Variants in PDE3B observed in about 807,000 individuals in gnomAD.
PDE3B encodes cGMP-inhibited 3',5'-cyclic phosphodiesterase 3B.
In PDE3B, 66 loss-of-function variants were observed where a neutral mutation model predicts 116.8. That is an observed-to-expected ratio of 0.56 (90% confidence interval 0.46 to 0.69). The LOEUF (loss-of-function observed/expected upper bound fraction) is 0.69. PDE3B is among the 30% of genes least tolerant of loss of function. PDE3B has a pLI of 0.00. For synonymous variants in PDE3B, 595 were observed against 533.6 expected (o/e 1.12, Z -1.59); for missense variants, 1,384 against 1,368.1 (o/e 1.01, Z -0.18).
the PDE3B span, among the ~76,000 whole-genome samples, chr11:14,892,836 T>C: frequency 2.6e-4 from 40 of 152,378 alleles, no homozygotes; most frequent in African/African-American, 8.4e-4. Context: ...ATTTGACCCC[T>C]CTCTGGTCTT....
At chr11:14,768,569 T>C (rs767234744) in intron 1 of PDE3B, among the ~76,000 whole-genome samples, 93 of 151,702 alleles carry the variant, frequency 6.1e-4, no homozygotes, top group Admixed American at 3.6e-3. Context: ...TTCACTCCTA[T>C]ACTCCATTGT....
chr11:14,893,420 G>A, the PDE3B span, among the ~76,000 whole-genome samples: 17 of 152,304 alleles, frequency 1.1e-4, no homozygotes, highest in South Asian at 3.3e-3. Flanking sequence ...TACTACTGTT[G>A]TAATAAATTA....
chr11:14,653,604 C>G (rs1853626371), intron 1 of PDE3B, among the ~76,000 whole-genome samples: 1 of 151,236 alleles, frequency 6.6e-6, no homozygotes, highest in Admixed American at 6.6e-5. Flanking sequence ...ACCACACCCA[C>G]CAAAGCTTCG....
chr11:14,794,111 TTTGC>T (rs1291393013), intron 4 of PDE3B, among the ~76,000 whole-genome samples: 1 of 152,138 alleles, frequency 6.6e-6, no homozygotes, highest in Non-Finnish European at 1.5e-5. Context: ...CTCTTGTTCG[TTTGC>T]TTTTGACAAC....
chr11:14,863,374 A>T (rs782218189), intron 14 of PDE3B, among the ~76,000 whole-genome samples: 7 of 152,152 alleles, frequency 4.6e-5, no homozygotes, highest in Non-Finnish European at 1.0e-4. Flanking sequence ...CGTTCTAATG[A>T]TCGCCATTCC....
chr11:14,866,936 G>A (rs1453396532), intron 14 of PDE3B, among the ~76,000 whole-genome samples: 1 of 152,116 alleles, frequency 6.6e-6, no homozygotes, highest in Non-Finnish European at 1.5e-5. Context: ...AAGCCACAGT[G>A]GGAGAGTACC....
chr11:14,661,173 G>A (rs991275463), intron 1 of PDE3B, among the ~76,000 whole-genome samples: 6 of 152,194 alleles, frequency 3.9e-5, no homozygotes, highest in African/African-American at 7.2e-5. Context: ...TACTGGGTAT[G>A]TACCCAAAGG....
intron 1 of PDE3B, chr11:14,674,457 A>G: frequency 3.3e-6 from 2 of 603,070 alleles, no homozygotes; most frequent in Non-Finnish European, 6.5e-6. Context: ...CCTTAATGGC[A>G]ACCTTTACAC....
intron 1 of PDE3B, among the ~76,000 whole-genome samples, chr11:14,691,911 A>T (rs1413727355): frequency 6.6e-6 from 1 of 152,166 alleles, no homozygotes; most frequent in African/African-American, 2.4e-5. Context: ...AGATCAAATC[A>T]TTTACAATTT....
At chr11:14,697,159 C>T (rs1855230448) in intron 1 of PDE3B, among the ~76,000 whole-genome samples, 1 of 151,986 alleles carries the variant, frequency 6.6e-6, no homozygotes, top group African/African-American at 2.4e-5. Flanking sequence ...CCTGGCCTCA[C>T]ACTCCTGGGC....
At position 14,643,805 on chromosome 11, in the gene PDE3B, G is replaced by C. The variant is rs921438098; in HGVS notation, c.-271G>C. On this transcript the variant is annotated 5_prime_UTR_variant, in exon 1 of 16. Coordinates refer to ENST00000282096, the MANE Select transcript of PDE3B (RefSeq NM_000922.4). ...GGTGGGAGGCGACACTGAGTCTCCA[G>C]TCCCGAGAGGTGCCCGAGGGAAAAG... 32 of 417,134 alleles carry C rather than the reference G, an allele frequency of 7.7e-5. 1 individual carries two copies. The highest frequency in any genetic ancestry group is 4.8e-4 in the African/African-American group (23 of 48,316). The allele number at this position is 417,134 out of a possible 1,614,324, so 25.8% of individuals were successfully genotyped here. A position where few individuals can be genotyped will look rare whatever the true frequency, so the allele number is the denominator to read the frequency against.
chr11:14,754,322 AAGAGAAC>A (rs1857128964), intron 1 of PDE3B, among the ~76,000 whole-genome samples: 1 of 152,114 alleles, frequency 6.6e-6, no homozygotes, highest in South Asian at 2.1e-4. Flanking sequence ...TAAACAAATC[AAGAGAAC>A]TCATTATTAT....
chr11:14,858,969 C>A, intron 12 of PDE3B, 74 bp from the exon 13 acceptor site: 1 of 1,064,086 alleles, frequency 9.4e-7, no homozygotes, highest in Non-Finnish European at 1.4e-6. Context: ...TTGTATACTT[C>A]CAACCTGATA....
chr11:14,796,111 T>C (rs960541396), intron 4 of PDE3B, among the ~76,000 whole-genome samples: 3 of 151,990 alleles, frequency 2.0e-5, no homozygotes, highest in African/African-American at 7.3e-5. Flanking sequence ...CACTTATGAG[T>C]GAGAACATGT....
chr11:14,811,708 T>C (rs937979173), intron 5 of PDE3B, among the ~76,000 whole-genome samples: 2 of 151,992 alleles, frequency 1.3e-5, no homozygotes, highest in Admixed American at 6.6e-5. Flanking sequence ...GGGGATGGCA[T>C]TGAATCTGTA....
intron 7 of PDE3B, among the ~76,000 whole-genome samples, chr11:14,821,476 A>G (rs1484642949): frequency 1.3e-5 from 2 of 152,076 alleles, no homozygotes; most frequent in Admixed American, 6.5e-5. Context: ...TTTTATTATT[A>G]TCTGTAAGAT....
chr11:14,725,190 G>A (rs1208692160), intron 1 of PDE3B, among the ~76,000 whole-genome samples: 4 of 152,168 alleles, frequency 2.6e-5, no homozygotes, highest in Non-Finnish European at 5.9e-5. Context: ...CTGCATGCTA[G>A]TAAATAGCAC....
intron 1 of PDE3B, among the ~76,000 whole-genome samples, chr11:14,702,544 G>A (rs895590265): frequency 2.6e-5 from 4 of 151,830 alleles, no homozygotes; most frequent in African/African-American, 7.2e-5. Flanking sequence ...GTGGGTTATC[G>A]TTTGGAGCAG....
At chr11:14,741,451 T>C (rs1011416733) in intron 1 of PDE3B, among the ~76,000 whole-genome samples, 1 of 152,116 alleles carries the variant, frequency 6.6e-6, no homozygotes, top group Non-Finnish European at 1.5e-5. Flanking sequence ...GCTTGGTAAA[T>C]ATTCTGCTAT....
Sources: gnomAD v4.1 joint callset for allele counts (sites outside exome capture counted in the v4.1 genomes callset) on GRCh38, gnomAD v4.1.1 for gene constraint, MANE v1.5 for transcripts, NCBI Gene and HGNC (gene_info 2026-07-23, HGNC 2026-07-21) for gene names.